Variants in TEAD4 observed in about 807,000 individuals in gnomAD.
The protein encoded by TEAD4 is TEA domain transcription factor 4.
TEAD4 carries 36 observed loss-of-function variants against 52.4 expected under a neutral mutation model. The ratio of observed to expected loss-of-function variants is 0.69; its 90% CI spans 0.53 to 0.91. The LOEUF is 0.91. Among genes scored for constraint, TEAD4 ranks in the 40% least tolerant of loss-of-function variants. The probability of loss-of-function intolerance (pLI) is 0.00; values close to 1 mark genes in which losing one functional copy is unlikely to be tolerated. For missense variants in TEAD4, 508 were observed against 583.9 expected (o/e 0.87, Z 1.34); for synonymous variants, 220 against 231.0 (o/e 0.95, Z 0.43).
chr12:2,985,876 G>T (rs1345581754), intron 2 of TEAD4, among the ~76,000 whole-genome samples: 1 of 151,726 alleles, frequency 6.6e-6, no homozygotes, highest in East Asian at 2.0e-4. Context: ...ACTACGTCAG[G>T]AGTTCAAGAC....
In TEAD4 at chr12:2,994,855, C is replaced by T. The variant is rs1185657389; in HGVS notation, c.89C>T (p.Ala30Val). Residue 30 changes from alanine to valine, a missense_variant, in exon 3 of 13, where the codon GCA (alanine) becomes GTA (valine). Physicochemically the swap from Ala to Val is moderately conservative, Grantham distance 64 (BLOSUM62 0). Transcript: ENST00000359864. The surrounding 1 kb of genome is among the most constrained non-coding windows in gnomAD (Gnocchi z 4.7). ...AGCACCGCCTCTGGGGGCAGTCAGG[C>T]ACTGGACAAGCCCATCGACAATGAC... The T allele has an allele frequency of 1.2e-6, 2 of 1,614,092 alleles. No homozygotes were observed. The highest frequency in any genetic ancestry group is 8.5e-7 in the Non-Finnish European group (1 of 1,180,026).
intron 9 of TEAD4, 152 bp from the exon 10 acceptor site, chr12:3,021,692 C>T: frequency 1.4e-6 from 1 of 713,112 alleles, no homozygotes; most frequent in South Asian, 2.0e-5. Context: ...AAGGAGTAGA[C>T]TTTTACCATC....
chr12:2,991,921 C>T (rs777121179), intron 2 of TEAD4, among the ~76,000 whole-genome samples: 12 of 151,020 alleles, frequency 7.9e-5, no homozygotes, highest in African/African-American at 2.4e-4. Flanking sequence ...CGACCTTGGG[C>T]GTGTCCTTAG....
chr12:2,985,807 C>G (rs751010750), intron 2 of TEAD4, among the ~76,000 whole-genome samples: 1 of 152,008 alleles, frequency 6.6e-6, no homozygotes, highest in Non-Finnish European at 1.5e-5. Flanking sequence ...ACATACCAGC[C>G]GGGCGTGGTG....
At chr12:2,999,648 G>T (rs890865662) in intron 3 of TEAD4, among the ~76,000 whole-genome samples, 10 of 152,298 alleles carry the variant, frequency 6.6e-5, no homozygotes, top group African/African-American at 2.4e-4. Flanking sequence ...GCTCACGGCC[G>T]CTTTCATTTC....
intron 10 of TEAD4, among the ~76,000 whole-genome samples, chr12:3,025,705 T>C (rs1010376459): frequency 3.9e-5 from 6 of 151,964 alleles, no homozygotes; most frequent in African/African-American, 1.5e-4. Context: ...CCTGGCTAAT[T>C]TTTGTATTTT....
chr12:3,002,345 T>C (rs2098252389), intron 3 of TEAD4, among the ~76,000 whole-genome samples: 1 of 152,236 alleles, frequency 6.6e-6, no homozygotes, highest in African/African-American at 2.4e-5. Flanking sequence ...ACAGGTATCT[T>C]GAGTCCCTGG....
intron 3 of TEAD4, among the ~76,000 whole-genome samples, chr12:3,007,307 C>G (rs546918338): frequency 2.0e-5 from 3 of 152,332 alleles, no homozygotes; most frequent in Middle Eastern, 3.4e-3. Context: ...AGCACTGTTA[C>G]GGGGCAGTCC....
intron 3 of TEAD4, among the ~76,000 whole-genome samples, chr12:2,997,659 G>A (rs896722885): frequency 2.1e-4 from 32 of 152,194 alleles, no homozygotes; most frequent in African/African-American, 7.7e-4. Context: ...ACGAAAGTGT[G>A]CATGAGGCAT....
intron 3 of TEAD4, among the ~76,000 whole-genome samples, chr12:3,009,932 C>A (rs1031568616): frequency 2.0e-5 from 3 of 152,208 alleles, no homozygotes; most frequent in African/African-American, 7.2e-5. Flanking sequence ...CTGGTTACAA[C>A]CCAGGTGGCA....
At chr12:2,982,404 G>C (rs1037081236) in intron 2 of TEAD4, among the ~76,000 whole-genome samples, 3 of 152,114 alleles carry the variant, frequency 2.0e-5, no homozygotes, top group African/African-American at 7.2e-5. Context: ...ACCAAGTCTG[G>C]GATTATTTTT....
chr12:3,037,917 C>T, intron 10 of TEAD4, 51 bp from the exon 11 acceptor site: 1 of 1,581,064 alleles, frequency 6.3e-7, no homozygotes, highest in Non-Finnish European at 8.6e-7. Context: ...ATGCTCCCGT[C>T]TGACATGGCA....
At chr12:2,963,934 T>C (rs2098217991) in intron 2 of TEAD4, among the ~76,000 whole-genome samples, 1 of 152,112 alleles carries the variant, frequency 6.6e-6, no homozygotes, top group Admixed American at 6.5e-5. Flanking sequence ...GACCCAAACT[T>C]CATGGGAACA....
chr12:3,017,576 C>T, intron 6 of TEAD4, 50 bp downstream of exon 6: 1 of 1,569,810 alleles, frequency 6.4e-7, no homozygotes, highest in Non-Finnish European at 8.6e-7. Flanking sequence ...CTCCTCCTCC[C>T]TCCTCCCTGT....
rs1448753545 is a variant in TEAD4, at chr12:3,018,792, G to A, written c.527+204G>A. 5.3e-5 allele frequency among the ~76,000 whole-genome samples: 8 copies of A among 152,246 alleles called. No homozygotes were observed. In the East Asian group the frequency reaches 1.5e-3, roughly 29 times the overall value. On this transcript the variant is annotated intron_variant, in intron 7 of 12. Coordinates refer to ENST00000359864, the MANE Select transcript of TEAD4 (RefSeq NM_003213.4). ...TCTGTGATGTCTACACCCTAGGGTG[G>A]TATTTGCCAAAACTCCAGTCTGTCC... is the stretch of plus-strand genomic sequence containing the variant.
intron 10 of TEAD4, among the ~76,000 whole-genome samples, chr12:3,035,742 T>A (rs2098278952): frequency 6.8e-6 from 1 of 147,612 alleles, no homozygotes. Flanking sequence ...ACTGCTTGAA[T>A]CCAGGAGTTC....
intron 5 of TEAD4, chr12:3,017,016 G>T: frequency 2.2e-6 from 1 of 452,704 alleles, no homozygotes; most frequent in Non-Finnish European, 4.4e-6. Flanking sequence ...TGCTTCCTGT[G>T]CACTCGAGGA....
Position 3,018,551 on chromosome 12 carries a change from C to G in TEAD4, c.490C>G (p.Gln164Glu), listed in dbSNP as rs1565545430. ...ATGCCTTTTGCCTCCTCAGTTTTGG[C>G]AAGGAGCTTTGCCAGGCCAAGCCGG... is the stretch of plus-strand genomic sequence containing the variant. Residue 164 changes from glutamine (Q) to glutamate (E), a missense_variant, in exon 7 of 13, where the codon CAA (glutamine) becomes GAA (glutamate). By Grantham distance (29) the Gln-to-Glu change is conservative (BLOSUM62 2). Transcript: ENST00000359864. The G allele has an allele frequency of 1.2e-6, 2 of 1,614,088 alleles. No individual in the cohort carries two copies. The highest frequency in any genetic ancestry group is 4.5e-5 in the East Asian group (2 of 44,866).
intron 10 of TEAD4, among the ~76,000 whole-genome samples, chr12:3,033,777 G>A (rs914926663): frequency 6.6e-6 from 1 of 152,244 alleles, no homozygotes; most frequent in African/African-American, 2.4e-5. Flanking sequence ...CAGGGCAGGG[G>A]ACCGGGGCAG....
Sources: allele counts gnomAD v4.1 joint callset (sites outside exome capture counted in the v4.1 genomes callset), GRCh38; gene constraint gnomAD v4.1.1; non-coding constraint Gnocchi (gnomAD v3.1); transcripts MANE v1.5; gene names NCBI Gene and HGNC (gene_info 2026-07-23, HGNC 2026-07-21).